The following DNAJC21 variants were observed in gnomAD, a reference collection of about 807,000 sequenced individuals.
The protein encoded by DNAJC21 is dnaJ homolog subfamily C member 21.
A neutral mutation model predicts 72.4 loss-of-function variants in DNAJC21; 63 were observed. That is an observed-to-expected ratio of 0.87 (90% CI 0.71 to 1.07). The LOEUF (loss-of-function observed/expected upper bound fraction) is 1.07, where lower values mean the gene tolerates loss of function less well. DNAJC21 is among the 50% of genes least tolerant of loss of function. The probability of loss-of-function intolerance (pLI) is 0.00; values close to 1 mark genes in which losing one functional copy is unlikely to be tolerated. For missense variants in DNAJC21, 634 were observed against 644.8 expected, an observed-to-expected ratio of 0.98 and a Z score of 0.18; for synonymous variants, 203 against 216.7, an observed-to-expected ratio of 0.94 and a Z score of 0.56.
chr5:34,952,837 T>G (rs1039461096), intron 10 of DNAJC21: 1 of 152,170 alleles, frequency 6.6e-6, no homozygotes, highest in African/African-American at 2.4e-5. Flanking sequence ...AAGTGTTTGT[T>G]AAACTGGATC....
At chr5:34,941,568 T>TC (rs1561186183) in intron 7 of DNAJC21, among the ~76,000 whole-genome samples, 2 of 139,632 alleles carry the variant, frequency 1.4e-5, no homozygotes, top group Non-Finnish European at 3.1e-5. Context: ...TTCTTTTTTT[T>TC]TTTTTTTTTT....
rs1765549778 is a variant in DNAJC21 at position 34,956,810 on chromosome 5, T to G, written c.*2096T>G. The G allele has an allele frequency of 6.6e-6, 1 of 152,204 alleles. No homozygotes were observed. The highest frequency in any genetic ancestry group is 2.4e-5 in the African/African-American group (1 of 41,448). The allele number at this position is 152,204 out of a possible 1,614,324, so 9.4% of individuals were successfully genotyped here. On this transcript the variant is annotated 3_prime_UTR_variant, in exon 12 of 12. Transcript: ENST00000648817. ...ACTGGAAGCTGACCTTAGTCTTGCG[T>G]CTCATCCTTTATGATGTTGAGAAAT...
intron 7 of DNAJC21, among the ~76,000 whole-genome samples, chr5:34,943,984 G>C (rs1765087143): frequency 6.6e-6 from 1 of 152,072 alleles, no homozygotes; most frequent in Admixed American, 6.6e-5. Context: ...ATTATCTCCA[G>C]GGCAGCTTGG....
At chr5:34,945,678 C>T in intron 8 of DNAJC21, 83 bp from the exon 9 acceptor site, 2 of 1,187,648 alleles carry the variant, frequency 1.7e-6, no homozygotes, top group Non-Finnish European at 2.4e-6. Context: ...ACTACTTTAT[C>T]ACTAGTGTTT....
intron 2 of DNAJC21, among the ~76,000 whole-genome samples, chr5:34,934,326 T>A (rs1028266895): frequency 6.6e-6 from 1 of 151,934 alleles, no homozygotes; most frequent in Non-Finnish European, 1.5e-5. Context: ...CCTCCCAGGT[T>A]CAAGCGATTC....
At chr5:34,930,134 A>C in intron 1 of DNAJC21, 1 of 336,932 alleles carries the variant, frequency 3.0e-6, no homozygotes, top group Non-Finnish European at 5.5e-6. Flanking sequence ...ATCTCCTCAT[A>C]CCCGCGACCC....
chr5:34,954,569 G>T lies in DNAJC21; in HGVS notation c.1451G>T (p.Cys484Phe). 1 of 1,611,562 alleles carries T rather than the reference G, an allele frequency of 6.2e-7. No homozygotes were observed. Among genetic ancestry groups the T allele is most frequent in the South Asian group, 1.1e-5 (1 of 90,614 alleles). ...CCTTCTCAGAGTGTTCTTATCAGCT[G>T]TACAACCTGCCATAGTGAATTTCCA... ...EPQTMSVLIS[C>F]TTCHSEFPSR... The change falls in exon 12 of 12, where the codon TGT (cysteine) becomes TTT (phenylalanine). Residue 484 changes from cysteine to phenylalanine, a missense_variant. By Grantham distance (205) the Cys-to-Phe change is radical. Coordinates refer to ENST00000648817, the MANE Select transcript of DNAJC21 (RefSeq NM_001012339.3).
At position 34,956,459 on chromosome 5, in the gene DNAJC21, A is replaced by T. The variant is rs1382744129; in HGVS notation, c.*1745A>T. 6.6e-6 allele frequency: 1 copy of T among 151,978 alleles called. No homozygotes were observed. The highest frequency in any genetic ancestry group is 2.4e-5 in the African/African-American group (1 of 41,378). 9.4% of individuals were successfully genotyped at this position (151,978 alleles called of 1,614,324 possible). On this transcript the variant is annotated 3_prime_UTR_variant, in exon 12 of 12. Transcript: ENST00000648817. The stretch of plus-strand genomic sequence containing the variant: ...CAGGGGGAATACTAGGCAGTTTTGT[A>T]TCTTCTGATCTCGTACCCTGAGACT...
At chr5:34,945,383 G>A (rs1414602180) in intron 8 of DNAJC21, among the ~76,000 whole-genome samples, 1 of 152,110 alleles carries the variant, frequency 6.6e-6, no homozygotes. Flanking sequence ...CGGCCTTAAA[G>A]GCTGTTTTAT....
rs202203777 is a variant in DNAJC21, at chr5:34,953,988, A to T, written c.1421A>T (p.Glu474Val). The change falls in exon 11 of 12, where the codon GAA becomes GTA. Residue 474 changes from glutamate (E) to valine (V), a missense_variant. Coordinates refer to ENST00000648817, the MANE Select transcript of DNAJC21 (RefSeq NM_001012339.3). ...AAAAAACCTGTCAGAGTACCTGCTG[A>T]ACCACAAACAATGGTAGGTCAAAAT... ...DMKKPVRVPA[E>V]PQTMSVLISC... 8.1e-6 allele frequency: 13 copies of T among 1,611,136 alleles called. No homozygotes were observed. The Admixed American group carries it at 1.2e-4, about 15-fold the overall frequency.
Position 34,936,272 on chromosome 5 carries a change from A to G in DNAJC21, c.438+6A>G. ...CCCAGAGTGACTATGATACGGTAAA[A>G]TAAAAATGCATTGTTCTATAATTAG... On this transcript the variant is annotated splice_donor_region_variant and intron_variant, in intron 4 of 11. Coordinates refer to ENST00000648817, the MANE Select transcript of DNAJC21 (RefSeq NM_001012339.3). 1.2e-6 allele frequency: 2 copies of G among 1,602,262 alleles called. No homozygotes were observed. The highest frequency in any genetic ancestry group is 1.1e-5 in the South Asian group (1 of 88,098).
chr5:34,930,245 G>A, intron 1 of DNAJC21: 1 of 180,710 alleles, frequency 5.5e-6, no homozygotes, highest in Non-Finnish European at 1.2e-5. Context: ...TCGGGAACTC[G>A]GAACTCAGAC....
intron 5 of DNAJC21, 27 bp downstream of exon 5, chr5:34,937,657 C>G: frequency 1.3e-6 from 2 of 1,588,728 alleles, no homozygotes; most frequent in Non-Finnish European, 1.7e-6. Flanking sequence ...GGGCCCTCTT[C>G]TCAGTATCGG....
rs1171416421 is a variant in DNAJC21, at chr5:34,929,853, C to T, written c.34C>T (p.Arg12Cys). Reference sequence around the variant, plus strand: ...TCACTATGAGGCGCTGGGGGTGCGGCGCGACGCCAGCGAGGAGGAGCTCAA... The same window carrying T: ...TCACTATGAGGCGCTGGGGGTGCGGTGCGACGCCAGCGAGGAGGAGCTCAA... ...KCHYEALGVR[R>C]DASEEELKKA... Residue 12 changes from arginine to cysteine, a missense_variant, in exon 1 of 12, where the codon CGC becomes TGC. Transcript: ENST00000648817. The T allele has an allele frequency of 3.2e-6, 5 of 1,577,220 alleles. No individual in the cohort carries two copies. The highest frequency in any genetic ancestry group is 1.1e-5 in the South Asian group (1 of 87,930).
At chr5:34,949,285 G>A (rs1765276283) in intron 9 of DNAJC21, among the ~76,000 whole-genome samples, 1 of 152,042 alleles carries the variant, frequency 6.6e-6, no homozygotes, top group Admixed American at 6.5e-5. Context: ...GCCAGATTAT[G>A]GGACACTCTA....
At chr5:34,946,972 T>A (rs116178940) in intron 9 of DNAJC21, among the ~76,000 whole-genome samples, 3,093 of 152,298 alleles carry the variant, frequency 0.02, 44 homozygotes, top group Admixed American at 0.033. Context: ...GATTCCTGAT[T>A]GTAGCAAGTT....
chr5:34,938,137 C>G (rs1440480826), intron 5 of DNAJC21, among the ~76,000 whole-genome samples: 2 of 152,130 alleles, frequency 1.3e-5, no homozygotes, highest in East Asian at 1.9e-4. Context: ...CTTCAGAGAC[C>G]CTTTACATTT....
intron 10 of DNAJC21, chr5:34,952,753 T>C (rs1342189090): frequency 1.3e-5 from 2 of 152,174 alleles, no homozygotes; most frequent in African/African-American, 2.4e-5. Flanking sequence ...AACTTCCTTA[T>C]ATTGAGCAAA....
intron 11 of DNAJC21, 199 bp downstream of exon 11, chr5:34,954,200 T>C (rs932489870): frequency 1.9e-6 from 1 of 522,614 alleles, no homozygotes; most frequent in Non-Finnish European, 3.3e-6. Flanking sequence ...AATGCTAGAC[T>C]GTACCAGAAC....
Sources: allele counts gnomAD v4.1 joint callset (sites outside exome capture counted in the v4.1 genomes callset), GRCh38; gene constraint gnomAD v4.1.1; transcripts MANE v1.5; gene names NCBI Gene and HGNC (gene_info 2026-07-23, HGNC 2026-07-21).